POLR2B: variants seen among roughly 807,000 people sequenced by gnomAD.
The protein encoded by POLR2B is RNA polymerase II subunit B.
A neutral mutation model predicts 144.6 loss-of-function variants in POLR2B; 57 were observed. The observed-to-expected ratio is 0.39, with a 90% CI of 0.32 to 0.49. The LOEUF is 0.49. Among genes scored for constraint, POLR2B ranks in the 20% least tolerant of loss-of-function variants. The pLI is 0.83. For missense variants in POLR2B, 595 were observed against 1,467.4 expected, an observed-to-expected ratio of 0.41 and a Z score of 9.71; for synonymous variants, 442 against 469.8, an observed-to-expected ratio of 0.94 and a Z score of 0.77.
chr4:56,990,545 AAAT>A (rs1722481553), intron 2 of POLR2B, among the ~76,000 whole-genome samples, 200 bp from the exon 3 acceptor site: 1 of 152,192 alleles, frequency 6.6e-6, no homozygotes, highest in East Asian at 1.9e-4. Context: ...GCTTTTCCCC[AAAT>A]AATAAGTTCT....
At chr4:57,010,918 T>C in intron 12 of POLR2B, 31 bp downstream of exon 12, 1 of 1,599,760 alleles carries the variant, frequency 6.3e-7, no homozygotes, top group East Asian at 2.2e-5. Flanking sequence ...TTTTTTAAAC[T>C]ATAGTTAATC....
At position 57,015,541 on chromosome 4, in the gene POLR2B, A is replaced by C; in HGVS notation, c.1840A>C (p.Ile614Leu). Residue 614 changes from isoleucine (I) to leucine (L), a missense_variant, in exon 14 of 25, where the codon ATC becomes CTC. Ile to Leu is a conservative substitution (Grantham distance 5). Transcript: ENST00000314595. ...IRDIREREIR[I>L]YTDAGRICRP... ...AGATATTCGAGAGAGGGAGATTCGGATCTATACGGATGCAGGCCGTATTTG... is the reference window on the plus strand; with the variant it reads ...AGATATTCGAGAGAGGGAGATTCGGCTCTATACGGATGCAGGCCGTATTTG... 2.1e-6 allele frequency: 3 copies of C among 1,461,674 alleles called. No homozygotes were observed. Among genetic ancestry groups the C allele is most frequent in the Non-Finnish European group, 2.7e-6 (3 of 1,091,568 alleles). The allele number at this position is 1,461,674 out of a possible 1,614,324, so 90.5% of individuals were successfully genotyped here.
At position 57,017,945 on chromosome 4, in the gene POLR2B, T is replaced by C. The variant is rs1385335437; in HGVS notation, c.2323+217T>C. 1.3e-5 allele frequency among the ~76,000 whole-genome samples: 2 copies of C among 152,190 alleles called. No homozygotes were observed. The highest frequency in any genetic ancestry group is 2.9e-5 in the Non-Finnish European group (2 of 68,036). On this transcript the variant is annotated intron_variant, in intron 16 of 24. Transcript: ENST00000314595. The surrounding 1 kb of genome is among the most constrained non-coding windows in gnomAD (Gnocchi z 4.8). ...TGGAAGCACAGACTGATGGAAGCAA[T>C]TAATTCCTGTTGGAAGTCTAGATCC...
At position 57,023,248 on chromosome 4, in the gene POLR2B, C is replaced by T. The variant is rs1723609265; in HGVS notation, c.2516-82C>T. 4.2e-6 allele frequency: 6 copies of T among 1,411,964 alleles called. No individual in the cohort carries two copies. Among genetic ancestry groups the T allele is most frequent in the African/African-American group, 1.4e-5 (1 of 70,892 alleles). 87.5% of individuals were successfully genotyped at this position (1,411,964 alleles called of 1,614,324 possible). ...GGTATAGAGACTCCTGTGGCCTTCT[C>T]TCTGACTTGGAACTGATTCATGTAT... is the stretch of plus-strand genomic sequence containing the variant. On this transcript the variant is annotated intron_variant, in intron 18 of 24. Coordinates refer to ENST00000314595, the MANE Select transcript of POLR2B (RefSeq NM_000938.3). The surrounding 1 kb of genome is among the most constrained non-coding windows in gnomAD (Gnocchi z 4.3).
intron 17 of POLR2B, among the ~76,000 whole-genome samples, chr4:57,021,418 TTGTC>T (rs1201185144): frequency 6.6e-6 from 1 of 152,108 alleles, no homozygotes; most frequent in Non-Finnish European, 1.5e-5. Flanking sequence ...GGATTTTCCT[TTGTC>T]TGTGTAGTTT....
intron 17 of POLR2B, 89 bp from the exon 18 acceptor site, chr4:57,022,063 A>G (rs956298559): frequency 2.5e-5 from 18 of 716,150 alleles, no homozygotes; most frequent in African/African-American, 1.8e-5. Flanking sequence ...TTGTCTCCCA[A>G]ATTTCAAGTA....
Position 57,026,982 on chromosome 4 carries a change from G to A in POLR2B, c.3239+1445G>A, listed in dbSNP as rs115485823. On this transcript the variant is annotated intron_variant, in intron 23 of 24. Transcript: ENST00000314595. ...GTATATGAGGAAGTTCTAATTTCAT[G>A]CAAATAAGTGGTTGGAAAGAGAGGA... Among the ~76,000 whole-genome samples the A allele has an allele frequency of 6.7e-3, 1,014 of 152,050 alleles. 6 individuals are homozygous for A. Among genetic ancestry groups the A allele is most frequent in the African/African-American group, 0.023 (960 of 41,486 alleles).
intron 2 of POLR2B, among the ~76,000 whole-genome samples, chr4:56,988,562 C>T (rs143627015): frequency 1.8e-3 from 267 of 152,124 alleles, no homozygotes; most frequent in African/African-American, 6.1e-3. Context: ...TTCATTGTGC[C>T]TGAGGTGATG....
At chr4:57,021,105 A>AAGGACTGGTTGATGGTCACAAAC in intron 17 of POLR2B, 110 bp downstream of exon 17, 1 of 694,378 alleles carries the variant, frequency 1.4e-6, no homozygotes, top group Non-Finnish European at 2.6e-6. Context: ...CAGAAAGTGG[A>AAGGACTGGTTGATGGTCACAAAC]AGGACTGGTT....
chr4:57,027,039 C>T (rs1030808377), intron 23 of POLR2B, among the ~76,000 whole-genome samples: 2 of 151,960 alleles, frequency 1.3e-5, no homozygotes, highest in Non-Finnish European at 2.9e-5. Flanking sequence ...GAGACAGTCT[C>T]ACTCTGTCAC....
At chr4:57,000,624 A>T (rs1489226600) in intron 7 of POLR2B, among the ~76,000 whole-genome samples, 1 of 152,162 alleles carries the variant, frequency 6.6e-6, no homozygotes, top group African/African-American at 2.4e-5. Context: ...TATATTTCCT[A>T]AGAATCAGTA....
At chr4:56,993,322 GAAACA>G (rs1375794902) in intron 3 of POLR2B, among the ~76,000 whole-genome samples, 2 of 151,232 alleles carry the variant, frequency 1.3e-5, no homozygotes, top group African/African-American at 2.4e-5. Context: ...AAAACAAAAT[GAAACA>G]AAACAAAAGA....
intron 1 of POLR2B, among the ~76,000 whole-genome samples, chr4:56,982,271 G>A (rs1467872454): frequency 6.6e-6 from 1 of 152,004 alleles, no homozygotes; most frequent in African/African-American, 2.4e-5. Flanking sequence ...CTGTCTCGGT[G>A]AAGGGCACAT....
In POLR2B at chr4:57,023,333, T is replaced by C; in HGVS notation, c.2519T>C (p.Met840Thr). ...EKPTRETCQG[M>T]RHAIYDKLDD... is the part of the protein sequence containing the mutation. ...TTCCGTGTCTATTTCCTCACAGGCATGAGGCATGCCATTTACGACAAGCTG... is the reference window on the plus strand; with the variant it reads ...TTCCGTGTCTATTTCCTCACAGGCACGAGGCATGCCATTTACGACAAGCTG... Residue 840 changes from methionine (M) to threonine (T), a missense_variant, in exon 19 of 25, where the codon ATG becomes ACG. This residue lies in a region of POLR2B where 75 missense variants were observed against 100.0 expected (regional missense o/e 0.75). Transcript: ENST00000314595. This position sits in a 1 kb window ranked among gnomAD's most constrained non-coding sequence, Gnocchi z 4.3. 1 of 1,613,994 alleles carries C rather than the reference T, an allele frequency of 6.2e-7. No homozygotes were observed. Among genetic ancestry groups the C allele is most frequent in the South Asian group, 1.1e-5 (1 of 91,074 alleles).
Position 57,026,362 on chromosome 4 carries a change from C to T in POLR2B, c.3239+825C>T, listed in dbSNP as rs1723720074. Reference sequence around the variant, plus strand: ...AAGTGTTGGAATTACAGGCGTGAACCACTGCACCCAGCCCTCTTGATTATT... The same window carrying T: ...AAGTGTTGGAATTACAGGCGTGAACTACTGCACCCAGCCCTCTTGATTATT... On this transcript the variant is annotated intron_variant, in intron 23 of 24. Transcript: ENST00000314595. Among the ~76,000 whole-genome samples, 4 of 152,258 alleles carry T rather than the reference C, an allele frequency of 2.6e-5. No homozygotes were observed. The South Asian group carries it at 8.3e-4, about 32-fold the overall frequency.
In POLR2B at chr4:57,017,450, G is replaced by A; in HGVS notation, c.2155-110G>A. 1.0e-6 allele frequency: 1 copy of A among 991,218 alleles called. No individual in the cohort carries two copies. The allele number at this position is 991,218 out of a possible 1,614,324, so 61.4% of individuals were successfully genotyped here. On this transcript the variant is annotated intron_variant, in intron 15 of 24. Coordinates refer to ENST00000314595, the MANE Select transcript of POLR2B (RefSeq NM_000938.3). This position sits in a 1 kb window ranked among gnomAD's most constrained non-coding sequence, Gnocchi z 4.8. ...CAAATGGTTATTACTTACTGTTTTT[G>A]AAAAAAATCAGGAGTTTTACCAATC... is the stretch of plus-strand genomic sequence containing the variant.
At chr4:57,006,781 C>T in intron 9 of POLR2B, 35 bp from the exon 10 acceptor site, 1 of 1,527,500 alleles carries the variant, frequency 6.5e-7, no homozygotes, top group Non-Finnish European at 9.0e-7. Context: ...TTGTAGACCT[C>T]TACATGTTTA....
intron 1 of POLR2B, among the ~76,000 whole-genome samples, 176 bp downstream of exon 1, chr4:56,979,180 G>C (rs1722074211): frequency 6.6e-6 from 1 of 152,200 alleles, no homozygotes; most frequent in African/African-American, 2.4e-5. Flanking sequence ...GGAGGGTGCA[G>C]GGAACATAGT....
chr4:57,006,011 A>AT, intron 9 of POLR2B, among the ~76,000 whole-genome samples: 2 of 152,268 alleles, frequency 1.3e-5, no homozygotes, highest in South Asian at 4.1e-4. Context: ...CTAATATTGG[A>AT]TTTTGTCCTG....
Sources: gnomAD v4.1 joint callset for allele counts (sites outside exome capture counted in the v4.1 genomes callset) on GRCh38, gnomAD v4.1.1 for gene constraint, gnomAD v4.1.1 regional missense constraint, Gnocchi (gnomAD v3.1) non-coding constraint, MANE v1.5 for transcripts, NCBI Gene and HGNC (gene_info 2026-07-23, HGNC 2026-07-21) for gene names.